Variants in KAZN observed in about 807,000 individuals in gnomAD.
KAZN encodes the protein kazrin, periplakin interacting protein.
KAZN carries 40 observed loss-of-function variants against 87.4 expected under a neutral mutation model. That is an observed-to-expected ratio of 0.46 (90% confidence interval 0.36 to 0.60). The LOEUF is 0.60. Ranked by LOEUF, KAZN falls within the 20% of genes least tolerant of loss-of-function variation. The probability of loss-of-function intolerance (pLI) is 0.00; values close to 1 mark genes in which losing one functional copy is unlikely to be tolerated. For synonymous variants in KAZN, 466 were observed against 458.3 expected, an observed-to-expected ratio of 1.02 and a Z score of -0.22; for missense variants, 898 against 1,073.9, an observed-to-expected ratio of 0.84 and a Z score of 2.29.
At chr1:14,303,262 A>T (rs923729640) in intron 2 of KAZN, among the ~76,000 whole-genome samples, 10 of 152,122 alleles carry the variant, frequency 6.6e-5, no homozygotes, top group Non-Finnish European at 1.3e-4. Context: ...CAGAGTCTAC[A>T]AAGGTGTGTC....
At chr1:14,622,750 T>C (rs970637616) in intron 1 of KAZN, among the ~76,000 whole-genome samples, 1 of 151,940 alleles carries the variant, frequency 6.6e-6, no homozygotes, top group Admixed American at 6.6e-5. Flanking sequence ...AAGCCTCACC[T>C]GAAATGAAAT....
intron 2 of KAZN, among the ~76,000 whole-genome samples, chr1:14,299,418 G>T (rs1199438533): frequency 1.3e-5 from 2 of 152,026 alleles, no homozygotes; most frequent in African/African-American, 4.8e-5. Context: ...CAGGAGAATT[G>T]TTTGAACCCA....
intron 1 of KAZN, among the ~76,000 whole-genome samples, chr1:14,123,837 C>G (rs1017060267): frequency 6.6e-6 from 1 of 152,140 alleles, no homozygotes; most frequent in African/African-American, 2.4e-5. Flanking sequence ...TGGTCAAGGA[C>G]AGAAAGTGAT....
chr1:14,144,036 C>T (rs1393697206), intron 1 of KAZN, among the ~76,000 whole-genome samples: 1 of 152,074 alleles, frequency 6.6e-6, no homozygotes, highest in African/African-American at 2.4e-5. Context: ...TTCTATTAAT[C>T]TATCAGCAGT....
At chr1:14,402,903 T>A (rs932881827) in intron 2 of KAZN, among the ~76,000 whole-genome samples, 1 of 152,050 alleles carries the variant, frequency 6.6e-6, no homozygotes, top group Non-Finnish European at 1.5e-5. Context: ...TCTTGGCTCA[T>A]TGCAACCTCT....
intron 1 of KAZN, among the ~76,000 whole-genome samples, chr1:14,904,114 C>T (rs146817249): frequency 6.8e-4 from 104 of 152,276 alleles, no homozygotes; most frequent in South Asian, 3.7e-3. Context: ...AGCAGACTCA[C>T]GTTCCAACCT....
rs150160075 is a variant in KAZN at position 15,000,568 on chromosome 1, G to A, written c.419-34181G>A. 4.2e-3 allele frequency among the ~76,000 whole-genome samples: 632 copies of A among 151,828 alleles called. 22 individuals carry two copies. Among genetic ancestry groups the A allele is most frequent in the African/African-American group, 0.015 (600 of 41,182 alleles). ...TCCAACCTGTAGCCAAATGCTGCCCGGCCACTGTACCCCTCTGAACCTCCA... is the reference window on the plus strand; with the variant it reads ...TCCAACCTGTAGCCAAATGCTGCCCAGCCACTGTACCCCTCTGAACCTCCA... On this transcript the variant is annotated intron_variant, in intron 2 of 14. Transcript: ENST00000376030.
At chr1:14,881,689 A>G (rs1187392173) in intron 1 of KAZN, among the ~76,000 whole-genome samples, 1 of 152,194 alleles carries the variant, frequency 6.6e-6, no homozygotes, top group Non-Finnish European at 1.5e-5. Flanking sequence ...TTCTGGTGTC[A>G]AATCACCTGG....
At chr1:15,027,354 A>C (rs1671280068) in intron 2 of KAZN, among the ~76,000 whole-genome samples, 1 of 152,022 alleles carries the variant, frequency 6.6e-6, no homozygotes, top group South Asian at 2.1e-4. Flanking sequence ...TGCTGGGATG[A>C]CAGGCGTGAG....
At chr1:14,733,849 C>T (rs1343890464) in intron 1 of KAZN, among the ~76,000 whole-genome samples, 7 of 152,268 alleles carry the variant, frequency 4.6e-5, no homozygotes, top group South Asian at 2.1e-4. Context: ...TGGGGTTTGG[C>T]CCCCCGATCA....
At chr1:13,925,777 C>T (rs1263467505) in intron 1 of KAZN, among the ~76,000 whole-genome samples, 1 of 152,202 alleles carries the variant, frequency 6.6e-6, no homozygotes, top group Non-Finnish European at 1.5e-5. Flanking sequence ...CACTAGAGGA[C>T]AGAGGCAGAG....
At chr1:14,845,384 G>GATGA (rs1648613884) in intron 1 of KAZN, among the ~76,000 whole-genome samples, 1 of 151,580 alleles carries the variant, frequency 6.6e-6, no homozygotes, top group Non-Finnish European at 1.5e-5. Context: ...TGGATGGATG[G>GATGA]ATGGATGGTT....
At chr1:14,100,400 G>A (rs923751608) in intron 1 of KAZN, among the ~76,000 whole-genome samples, 6 of 152,148 alleles carry the variant, frequency 3.9e-5, no homozygotes, top group Non-Finnish European at 5.9e-5. Flanking sequence ...AGGACCCAGC[G>A]CACAGTTGCA....
intron 1 of KAZN, among the ~76,000 whole-genome samples, chr1:14,835,133 T>C (rs1647188041): frequency 6.6e-6 from 1 of 152,252 alleles, no homozygotes; most frequent in African/African-American, 2.4e-5. Flanking sequence ...CAGAGTTTCT[T>C]GATCCCTCCC....
At chr1:15,059,835 A>G (rs1638628090) in intron 5 of KAZN, among the ~76,000 whole-genome samples, 1 of 152,206 alleles carries the variant, frequency 6.6e-6, no homozygotes, top group Non-Finnish European at 1.5e-5. Flanking sequence ...AAATGAATTT[A>G]TAAACATCAA....
chr1:14,138,222 G>C (rs957542140), intron 1 of KAZN, among the ~76,000 whole-genome samples: 8 of 151,980 alleles, frequency 5.3e-5, no homozygotes, highest in Admixed American at 1.3e-4. Context: ...CCTGAGGCAG[G>C]GTGAGCCTCA....
At chr1:14,565,569 G>A (rs147733485) in intron 2 of KAZN, among the ~76,000 whole-genome samples, 13 of 152,204 alleles carry the variant, frequency 8.5e-5, no homozygotes, top group Admixed American at 2.0e-4. Context: ...CCTTCCTTTC[G>A]TTAAAGATTT....
chr1:14,079,855 C>T (rs796535418), intron 1 of KAZN, among the ~76,000 whole-genome samples: 10 of 151,872 alleles, frequency 6.6e-5, no homozygotes, highest in African/African-American at 2.4e-4. Context: ...ATGAGGGACC[C>T]GCCCCCATGA....
intron 1 of KAZN, among the ~76,000 whole-genome samples, chr1:14,096,449 T>C (rs1644129994): frequency 6.6e-6 from 1 of 152,186 alleles, no homozygotes; most frequent in South Asian, 2.1e-4. Flanking sequence ...TGCAGGTGCC[T>C]GCCTTCCATG....
Sources: gnomAD v4.1 joint callset for allele counts (sites outside exome capture counted in the v4.1 genomes callset) on GRCh38, gnomAD v4.1.1 for gene constraint, MANE v1.5 for transcripts, NCBI Gene and HGNC (gene_info 2026-07-23, HGNC 2026-07-21) for gene names.